IGHMBP2: variants seen among roughly 807,000 people sequenced by gnomAD.
The protein encoded by IGHMBP2 is DNA-binding protein SMUBP-2.
A neutral mutation model predicts 96.0 loss-of-function variants in IGHMBP2; 81 were observed. That is an observed-to-expected ratio of 0.84 (90% confidence interval 0.71 to 1.01). The LOEUF is 1.01. IGHMBP2 is among the 50% of genes least tolerant of loss of function. The pLI is 0.00. For synonymous variants in IGHMBP2, 557 were observed against 548.9 expected, an observed-to-expected ratio of 1.01 and a Z score of -0.21; for missense variants, 1,227 against 1,306.3, an observed-to-expected ratio of 0.94 and a Z score of 0.94.
Position 68,939,671 on chromosome 11 carries a change from T to G in IGHMBP2, c.2922T>G (p.Asp974Glu), listed in dbSNP as rs147674615. Residue 974 changes from aspartate (D) to glutamate (E), a missense_variant, in exon 15 of 15, where the codon GAT becomes GAG. Asp to Glu is a conservative substitution (Grantham distance 45). Transcript: ENST00000255078. Reference sequence around the variant, plus strand: ...GGGCCCAGCTGCAGAGGAGGCTGGATAAGAAGCTGAGTGAGCTCAGCAACC... The same window carrying G: ...GGGCCCAGCTGCAGAGGAGGCTGGAGAAGAAGCTGAGTGAGCTCAGCAACC... ...AKRAQLQRRL[D>E]KKLSELSNQR... is the part of the protein sequence containing the mutation. 3,055 of 1,612,916 alleles carry G rather than the reference T, an allele frequency of 1.9e-3. 5 individuals are homozygous for G. The highest frequency in any genetic ancestry group is 2.4e-3 in the Non-Finnish European group (2,789 of 1,179,766).
chr11:68,908,974 G>C (rs1858314800), intron 4 of IGHMBP2, among the ~76,000 whole-genome samples: 1 of 150,810 alleles, frequency 6.6e-6, no homozygotes, highest in Non-Finnish European at 1.5e-5. Flanking sequence ...CCAAGTAGCT[G>C]GGACTACAGG....
intron 8 of IGHMBP2, chr11:68,932,938 AC>A (rs1859371095): frequency 2.9e-6 from 1 of 340,174 alleles, no homozygotes; most frequent in South Asian, 3.2e-5. Context: ...CAGCCGTGTT[AC>A]GTCTTCAAAT....
chr11:68,911,377 G>T (rs1858425855), intron 4 of IGHMBP2, 63 bp from the exon 5 acceptor site: 2 of 1,565,730 alleles, frequency 1.3e-6, no homozygotes, highest in Non-Finnish European at 1.8e-6. Context: ...CACACTCTCT[G>T]AGGAGGAACA....
At chr11:68,912,352 A>C (rs1439128790) in intron 5 of IGHMBP2, among the ~76,000 whole-genome samples, 1 of 151,528 alleles carries the variant, frequency 6.6e-6, no homozygotes, top group African/African-American at 2.4e-5. Context: ...GTCTGGTCTC[A>C]CTCCTGACTT....
chr11:68,933,177 G>C (rs1859380645), intron 8 of IGHMBP2, 122 bp from the exon 9 acceptor site: 2 of 1,023,144 alleles, frequency 2.0e-6, no homozygotes. Context: ...GTTACTTCTG[G>C]GTCAGAATCC....
chr11:68,922,616 G>A (rs1210802224), intron 7 of IGHMBP2, among the ~76,000 whole-genome samples: 1 of 152,096 alleles, frequency 6.6e-6, no homozygotes, highest in African/African-American at 2.4e-5. Flanking sequence ...GGCTGCTCTC[G>A]AACTCCTGAC....
At position 68,907,006 on chromosome 11, in the gene IGHMBP2, T is replaced by C. The variant is rs1211306253; in HGVS notation, c.256+768T>C. Among the ~76,000 whole-genome samples the C allele has an allele frequency of 3.3e-5, 5 of 151,272 alleles. 1 individual carries two copies. The highest frequency in any genetic ancestry group is 3.3e-4 in the Admixed American group (5 of 15,194). ...ACTACACGTGACTGGGTGCCTGTAA[T>C]CCTAGCACTTTGGGAGGCCGAGGTG... On this transcript the variant is annotated intron_variant, in intron 2 of 14. Coordinates refer to ENST00000255078, the MANE Select transcript of IGHMBP2 (RefSeq NM_002180.3).
rs1566425176 is a variant in IGHMBP2 at position 68,908,616 on chromosome 11, C to A, written c.532C>A (p.Pro178Thr). Residue 178 changes from proline (P) to threonine (T), a missense_variant, in exon 4 of 15, where the codon CCT (proline) becomes ACT (threonine). Coordinates refer to ENST00000255078, the MANE Select transcript of IGHMBP2 (RefSeq NM_002180.3). ...EVLFGRSAPS[P>T]ASEIHPLTFF... The stretch of plus-strand genomic sequence containing the variant: ...GCTCTTTGGCAGATCTGCTCCCAGT[C>A]CTGCCAGTGAAATACGTAAGAACTT... 6.2e-7 allele frequency: 1 copy of A among 1,610,796 alleles called. No homozygotes were observed. Among genetic ancestry groups the A allele is most frequent in the East Asian group, 2.2e-5 (1 of 44,880 alleles).
chr11:68,938,244 A>C lies in IGHMBP2; in HGVS notation c.2674A>C (p.Lys892Gln), dbSNP rs201970407. Residue 892 changes from lysine (K) to glutamine (Q), a missense_variant, in exon 14 of 15, where the codon AAG (lysine) becomes CAG (glutamine). Lys to Gln is a moderately conservative substitution (Grantham distance 53). Coordinates refer to ENST00000255078, the MANE Select transcript of IGHMBP2 (RefSeq NM_002180.3). ...TGAGGCCCTGGTTTCTGCCGCCGTTAAGGCTGATAACACCTGCGGCTTTGC... is the reference window on the plus strand; with the variant it reads ...TGAGGCCCTGGTTTCTGCCGCCGTTCAGGCTGATAACACCTGCGGCTTTGC... ...DFEALVSAAV[K>Q]ADNTCGFAKC... 1 of 1,613,932 alleles carries C rather than the reference A, an allele frequency of 6.2e-7. No individual in the cohort carries two copies. The highest frequency in any genetic ancestry group is 1.1e-5 in the South Asian group (1 of 91,088).
chr11:68,933,203 C>T (rs751295701), intron 8 of IGHMBP2, 96 bp from the exon 9 acceptor site: 3 of 1,270,374 alleles, frequency 2.4e-6, no homozygotes. Flanking sequence ...AGAGTTGGGT[C>T]CTGAGGTTTG....
At chr11:68,917,236 C>T (rs898522617) in intron 6 of IGHMBP2, among the ~76,000 whole-genome samples, 5 of 152,120 alleles carry the variant, frequency 3.3e-5, no homozygotes, top group Admixed American at 3.3e-4. Context: ...CTCGGGCTCC[C>T]AAAGTGCTGG....
rs1859691967 is a variant in IGHMBP2 at position 68,939,943 on chromosome 11, T to A, written c.*212T>A. The A allele has an allele frequency of 1.7e-6, 1 of 596,880 alleles. No homozygotes were observed. The highest frequency in any genetic ancestry group is 3.0e-6 in the Non-Finnish European group (1 of 335,610). 37.0% of individuals were successfully genotyped at this position (596,880 alleles called of 1,614,324 possible). ...GAGGAAAGCACCTGGGGGACAACAG[T>A]GCTCGTGCAGGTGGGGCTTGGGAAA... On this transcript the variant is annotated 3_prime_UTR_variant, in exon 15 of 15. Coordinates refer to ENST00000255078, the MANE Select transcript of IGHMBP2 (RefSeq NM_002180.3).
intron 14 of IGHMBP2, 113 bp from the exon 15 acceptor site, chr11:68,939,421 A>T: frequency 9.6e-7 from 1 of 1,043,236 alleles, no homozygotes; most frequent in Non-Finnish European, 1.4e-6. Context: ...TGGCGGGAGG[A>T]GTGGCCTTCT....
chr11:68,917,605 A>C, intron 6 of IGHMBP2, 131 bp from the exon 7 acceptor site: 2 of 769,292 alleles, frequency 2.6e-6, no homozygotes, highest in Non-Finnish European at 2.2e-6. Context: ...TGTCTCTTTC[A>C]AGGAAGATTT....
chr11:68,932,069 G>C (rs906566169), intron 8 of IGHMBP2, among the ~76,000 whole-genome samples: 1 of 149,584 alleles, frequency 6.7e-6, no homozygotes, highest in African/African-American at 2.5e-5. Context: ...GGATGGTTTC[G>C]GGGAAAACAT....
intron 8 of IGHMBP2, among the ~76,000 whole-genome samples, chr11:68,930,889 TC>T (rs1859271806): frequency 6.6e-6 from 1 of 152,072 alleles, no homozygotes; most frequent in Non-Finnish European, 1.5e-5. Flanking sequence ...AGAGCATAGA[TC>T]CTCTCTGCCC....
At chr11:68,935,465 T>A in intron 12 of IGHMBP2, 43 bp downstream of exon 12, 1 of 1,611,718 alleles carries the variant, frequency 6.2e-7, no homozygotes, top group Non-Finnish European at 8.5e-7. Context: ...AGCACAGAAG[T>A]GAATTTATTG....
Position 68,935,325 on chromosome 11 carries a change from G to A in IGHMBP2, c.1659G>A (p.Val553=). Residue 553 remains valine (V), a synonymous_variant, in exon 12 of 15, where the codon GTG becomes GTA. Transcript: ENST00000255078. ...TGGACCTGCTCAGACAGAGCCTTGT[G>A]CACAGGCACCCTGAGCTTGAAATCA... is the stretch of plus-strand genomic sequence containing the variant. ...LQVDLLRQSL[V]HRHPELEIKS... is the part of the protein sequence containing the mutation. The A allele has an allele frequency of 6.2e-7, 1 of 1,614,148 alleles. No individual in the cohort carries two copies. Among genetic ancestry groups the A allele is most frequent in the Non-Finnish European group, 8.5e-7 (1 of 1,180,030 alleles).
At chr11:68,926,614 T>C (rs1035214762) in intron 7 of IGHMBP2, among the ~76,000 whole-genome samples, 1 of 152,164 alleles carries the variant, frequency 6.6e-6, no homozygotes, top group African/African-American at 2.4e-5. Flanking sequence ...TTTATTGATA[T>C]TCTCTTATTT....
Sources: allele counts gnomAD v4.1 joint callset (sites outside exome capture counted in the v4.1 genomes callset), GRCh38; gene constraint gnomAD v4.1.1; transcripts MANE v1.5; gene names NCBI Gene and HGNC (gene_info 2026-07-23, HGNC 2026-07-21).